Variants in PPP4R3B observed in about 807,000 individuals in gnomAD.
The protein encoded by PPP4R3B is serine/threonine-protein phosphatase 4 regulatory subunit 3B.
In PPP4R3B, 52 loss-of-function variants were observed where a neutral mutation model predicts 95.4. That is an observed-to-expected ratio of 0.54 (90% CI 0.44 to 0.69). The LOEUF (loss-of-function observed/expected upper bound fraction) is 0.69, where lower values mean the gene tolerates loss of function less well. Among genes scored for constraint, PPP4R3B ranks in the 30% least tolerant of loss-of-function variants. PPP4R3B has a pLI of 0.00. For synonymous variants in PPP4R3B, 407 were observed against 343.9 expected (o/e 1.18, Z -2.03); for missense variants, 1,003 against 1,005.9 (o/e 1.00, Z 0.04).
chr2:55,613,862 A>G (rs1694534423), intron 2 of PPP4R3B, among the ~76,000 whole-genome samples: 1 of 152,134 alleles, frequency 6.6e-6, no homozygotes, highest in Non-Finnish European at 1.5e-5. Flanking sequence ...CAAGCAAACA[A>G]AAACAAACTA....
chr2:55,554,773 T>C (rs1336851574), intron 16 of PPP4R3B, among the ~76,000 whole-genome samples: 1 of 152,236 alleles, frequency 6.6e-6, no homozygotes. Context: ...TTATTTTTCT[T>C]TTGTCACTTG....
At chr2:55,557,235 T>G (rs1574669235) in intron 16 of PPP4R3B, among the ~76,000 whole-genome samples, 1 of 152,162 alleles carries the variant, frequency 6.6e-6, no homozygotes, top group South Asian at 2.1e-4. Context: ...TTCTCTTGTT[T>G]AGGCTGGAGT....
chr2:55,584,999 A>G, intron 7 of PPP4R3B, 52 bp downstream of exon 7: 1 of 1,260,416 alleles, frequency 7.9e-7, no homozygotes, highest in Non-Finnish European at 1.1e-6. Flanking sequence ...TAGTTTGCAA[A>G]CACTACTCAC....
intron 2 of PPP4R3B, among the ~76,000 whole-genome samples, chr2:55,613,524 T>G (rs1279847566): frequency 6.6e-6 from 1 of 152,180 alleles, no homozygotes; most frequent in East Asian, 1.9e-4. Flanking sequence ...CTAGAACTAA[T>G]TTTCTAGTAG....
Position 55,582,612 on chromosome 2 carries a change from T to C in PPP4R3B, c.1234-914A>G, listed in dbSNP as rs150111475. Among the ~76,000 whole-genome samples, 1,372 of 152,330 alleles carry C rather than the reference T, an allele frequency of 9.0e-3. 27 individuals are homozygous for C. Among genetic ancestry groups the C allele is most frequent in the African/African-American group, 0.032 (1,322 of 41,574 alleles). The stretch of plus-strand genomic sequence containing the variant: ...CATTTGACAGCCACTATCAGCCAAG[T>C]GGTAATCGTGACAAAATTACATAAA... On this transcript the variant is annotated intron_variant, in intron 7 of 16. Transcript: ENST00000616407.
At position 55,588,786 on chromosome 2, in the gene PPP4R3B, CA is replaced by C. The variant is rs199690164; in HGVS notation, c.999+92del. On this transcript the variant is annotated intron_variant, in intron 5 of 16. Coordinates refer to ENST00000616407, the MANE Select transcript of PPP4R3B (RefSeq NM_001122964.3). The stretch of plus-strand genomic sequence containing the variant: ...TTTTCATCTCTTACTAATCTAATTA[CA>C]AAAAATTGTCTCAAGTTAGCAAATT... 9.7e-3 allele frequency: 6,759 copies of C among 694,946 alleles called. 42 individuals carry two copies. Among genetic ancestry groups the C allele is most frequent in the Non-Finnish European group, 0.013 (5,462 of 415,044 alleles). The allele number at this position is 694,946 out of a possible 1,614,324, so 43.0% of individuals were successfully genotyped here. A position where few individuals can be genotyped will look rare whatever the true frequency, so the allele number is the denominator to read the frequency against.
intron 12 of PPP4R3B, among the ~76,000 whole-genome samples, chr2:55,572,310 C>G (rs925940946): frequency 1.3e-5 from 2 of 152,092 alleles, no homozygotes; most frequent in African/African-American, 2.4e-5. Context: ...TTAAAGTTAT[C>G]TGGAAAACAA....
intron 16 of PPP4R3B, among the ~76,000 whole-genome samples, chr2:55,556,925 T>C (rs771142520): frequency 3.3e-5 from 5 of 152,012 alleles, no homozygotes; most frequent in African/African-American, 4.8e-5. Flanking sequence ...TAGCCAGGCA[T>C]AGTGGCATGC....
intron 4 of PPP4R3B, chr2:55,591,368 C>G (rs1691001099): frequency 4.7e-6 from 1 of 211,278 alleles, no homozygotes. Flanking sequence ...GTATCGAACT[C>G]CTGGCCTCAA....
In PPP4R3B at chr2:55,549,739, T is replaced by C. The variant is rs890363273; in HGVS notation, c.*172A>G. On this transcript the variant is annotated 3_prime_UTR_variant, in exon 17 of 17. Coordinates refer to ENST00000616407, the MANE Select transcript of PPP4R3B (RefSeq NM_001122964.3). ...AATTACTAGCAAGCAATCAAGTTCC[T>C]GGGAAGCCTGATTTTTATTAGAACT... 3.5e-6 allele frequency: 2 copies of C among 570,824 alleles called. No individual in the cohort carries two copies. Among genetic ancestry groups the C allele is most frequent in the Non-Finnish European group, 3.0e-6 (1 of 330,116 alleles). 35.4% of individuals were successfully genotyped at this position (570,824 alleles called of 1,614,324 possible).
intron 16 of PPP4R3B, among the ~76,000 whole-genome samples, chr2:55,552,859 C>T (rs139143955): frequency 6.6e-6 from 1 of 152,282 alleles, no homozygotes; most frequent in Non-Finnish European, 1.5e-5. Flanking sequence ...AGTCATACAA[C>T]AGGAAGAAGC....
At chr2:55,586,554 T>C in intron 6 of PPP4R3B, 64 bp downstream of exon 6, 1 of 876,094 alleles carries the variant, frequency 1.1e-6, no homozygotes. Flanking sequence ...TATTTTCCCA[T>C]CCATAACATA....
intron 1 of PPP4R3B, among the ~76,000 whole-genome samples, chr2:55,616,919 G>A (rs980254584): frequency 1.2e-4 from 18 of 152,224 alleles, no homozygotes; most frequent in Non-Finnish European, 4.4e-5. Flanking sequence ...TGGAAAGGAA[G>A]GAGTCCAATC....
intron 11 of PPP4R3B, among the ~76,000 whole-genome samples, chr2:55,575,231 C>T (rs146965679): frequency 4.1e-4 from 63 of 152,218 alleles, no homozygotes; most frequent in African/African-American, 1.4e-3. Flanking sequence ...TGAGCCACCA[C>T]GCCCGGCCTA....
chr2:55,562,254 T>A (rs769315740), intron 15 of PPP4R3B, among the ~76,000 whole-genome samples: 1 of 152,144 alleles, frequency 6.6e-6, no homozygotes, highest in Admixed American at 6.5e-5. Flanking sequence ...AAACCCCATC[T>A]CTATTAAAAA....
chr2:55,576,104 T>C lies in PPP4R3B; in HGVS notation c.1606+1211A>G, dbSNP rs535229884. On this transcript the variant is annotated intron_variant, in intron 11 of 16. Transcript: ENST00000616407. ...GCTCATGCCTGTAATCCCAGCACTT[T>C]GGGAGGCCAAGGTGGGTGGATCGCC... Among the ~76,000 whole-genome samples the C allele has an allele frequency of 3.9e-5, 6 of 152,234 alleles. No individual in the cohort carries two copies. In the South Asian group the frequency reaches 6.2e-4, roughly 16 times the overall value.
intron 12 of PPP4R3B, among the ~76,000 whole-genome samples, chr2:55,569,625 T>G (rs575167669): frequency 6.6e-6 from 1 of 152,290 alleles, no homozygotes; most frequent in East Asian, 1.9e-4. Flanking sequence ...GAGCCCCCTG[T>G]CCAGTGGACA....
chr2:55,578,382 C>G (rs1340733079), intron 9 of PPP4R3B, 40 bp from the exon 10 acceptor site: 1 of 1,316,296 alleles, frequency 7.6e-7, no homozygotes. Context: ...ATAAAGCCAA[C>G]AGGGAGTATA....
At chr2:55,588,197 T>C (rs541396125) in intron 5 of PPP4R3B, among the ~76,000 whole-genome samples, 1 of 152,232 alleles carries the variant, frequency 6.6e-6, no homozygotes, top group East Asian at 1.9e-4. Flanking sequence ...CAGGAAGCAT[T>C]TTCCTTATCT....
Sources: allele counts gnomAD v4.1 joint callset (sites outside exome capture counted in the v4.1 genomes callset), GRCh38; gene constraint gnomAD v4.1.1; transcripts MANE v1.5; gene names NCBI Gene and HGNC (gene_info 2026-07-23, HGNC 2026-07-21).